PSPC1: variants seen among roughly 807,000 people sequenced by gnomAD.
PSPC1 encodes paraspeckle component 1, also known as paraspeckle protein 1.
In PSPC1, 14 loss-of-function variants were observed where a neutral mutation model predicts 51.6. The ratio of observed to expected loss-of-function variants is 0.27; its 90% CI spans 0.18 to 0.42. PSPC1 has a LOEUF of 0.42. Among genes scored for constraint, PSPC1 ranks in the 10% least tolerant of loss-of-function variants. The pLI is 1.00. For missense variants in PSPC1, 406 were observed against 701.1 expected (o/e 0.58, Z 4.75); for synonymous variants, 193 against 231.9 (o/e 0.83, Z 1.53).
At chr13:19,777,028 G>A (rs1022999180) in intron 1 of PSPC1, among the ~76,000 whole-genome samples, 5 of 149,530 alleles carry the variant, frequency 3.3e-5, no homozygotes, top group African/African-American at 1.2e-4. Flanking sequence ...GGAGGCTGAG[G>A]AGTGAGAATC....
At chr13:19,677,347 T>C (rs970412766) in intron 7 of PSPC1, among the ~76,000 whole-genome samples, 3 of 152,196 alleles carry the variant, frequency 2.0e-5, no homozygotes, top group East Asian at 1.9e-4. Flanking sequence ...ACCTTTTTTT[T>C]CTCTCTCCTC....
At chr13:19,781,161 A>T (rs1282405306) in intron 1 of PSPC1, among the ~76,000 whole-genome samples, 1 of 151,566 alleles carries the variant, frequency 6.6e-6, no homozygotes, top group Non-Finnish European at 1.5e-5. Context: ...AAAAAAAAAA[A>T]AAGGCGTAAA....
intron 6 of PSPC1, among the ~76,000 whole-genome samples, chr13:19,688,558 ATAAT>A (rs1416035790): frequency 6.6e-6 from 1 of 152,172 alleles, no homozygotes. Flanking sequence ...GCATTGTTTC[ATAAT>A]TAATGTGCTG....
intron 2 of PSPC1, among the ~76,000 whole-genome samples, chr13:19,769,482 G>C (rs1411086179): frequency 2.0e-5 from 3 of 152,212 alleles, no homozygotes; most frequent in African/African-American, 4.8e-5. Context: ...GAACCCAGGA[G>C]GCGGAGCTTG....
At chr13:19,772,791 G>A (rs1172987691) in intron 1 of PSPC1, among the ~76,000 whole-genome samples, 1 of 152,074 alleles carries the variant, frequency 6.6e-6, no homozygotes, top group Non-Finnish European at 1.5e-5. Flanking sequence ...CTCTTCATAA[G>A]GCCAGTTACC....
In PSPC1 at chr13:19,736,030, T is replaced by C. The variant is rs9508865; in HGVS notation, c.1052+5535A>G. On this transcript the variant is annotated intron_variant, in intron 5 of 8. Coordinates refer to ENST00000338910, the MANE Select transcript of PSPC1 (RefSeq NM_001354909.2). ...AAAGACAGGGTTTCACCGTGTTAGC[T>C]AGGATGGTCTCGATCTCCTGACCTT... Among the ~76,000 whole-genome samples the C allele has an allele frequency of 2.2e-3, 330 of 152,026 alleles. 2 individuals are homozygous for C. The highest frequency in any genetic ancestry group is 4.2e-3 in the South Asian group (20 of 4,812).
At chr13:19,687,588 T>A (rs983084339) in intron 6 of PSPC1, among the ~76,000 whole-genome samples, 3 of 152,112 alleles carry the variant, frequency 2.0e-5, no homozygotes, top group African/African-American at 7.2e-5. Flanking sequence ...CTGCCCTTTC[T>A]CCTCTTTTTA....
Position 19,782,548 on chromosome 13 carries a change from G to T in PSPC1, c.210C>A (p.Phe70Leu). 2 of 1,613,040 alleles carry T rather than the reference G, an allele frequency of 1.2e-6. No homozygotes were observed. Among genetic ancestry groups the T allele is most frequent in the Non-Finnish European group, 1.7e-6 (2 of 1,179,568 alleles). ...EMGFTIDIKS[F>L]LKPGEKTYTQ... ...TGTACGTCTTCTCGCCCGGCTTGAG[G>T]AAACTCTTGATGTCGATAGTGAACC... The change falls in exon 1 of 9, where the codon TTC becomes TTA. Residue 70 changes from phenylalanine (F) to leucine (L), a missense_variant. Around this residue, in one of 5 missense-constraint regions of PSPC1, gnomAD observed 128 missense variants for 107.1 expected, o/e 1.20. Coordinates refer to ENST00000338910, the MANE Select transcript of PSPC1 (RefSeq NM_001354909.2). This position sits in a 1 kb window ranked among gnomAD's most constrained non-coding sequence, Gnocchi z 4.5.
intron 5 of PSPC1, among the ~76,000 whole-genome samples, chr13:19,738,363 C>A (rs1221821043): frequency 6.6e-6 from 1 of 152,110 alleles, no homozygotes; most frequent in Non-Finnish European, 1.5e-5. Flanking sequence ...ATACCAGAAT[C>A]CACTGATGCT....
intron 6 of PSPC1, among the ~76,000 whole-genome samples, chr13:19,715,782 G>A (rs1037111423): frequency 6.6e-6 from 1 of 152,114 alleles, no homozygotes; most frequent in African/African-American, 2.4e-5. Flanking sequence ...GGGAGGCTGA[G>A]GCGGATGGAT....
intron 7 of PSPC1, among the ~76,000 whole-genome samples, chr13:19,676,512 A>G (rs1274451591): frequency 2.0e-5 from 3 of 152,088 alleles, no homozygotes; most frequent in Non-Finnish European, 4.4e-5. Flanking sequence ...ACTACAGAAT[A>G]CATCAGTGCA....
intron 2 of PSPC1, among the ~76,000 whole-genome samples, chr13:19,765,926 C>T (rs1197020280): frequency 6.6e-6 from 1 of 151,802 alleles, no homozygotes; most frequent in Non-Finnish European, 1.5e-5. Flanking sequence ...TTTTTTTTGT[C>T]TAAAAGTAAT....
chr13:19,681,169 C>A (rs879886308), intron 6 of PSPC1, among the ~76,000 whole-genome samples: 1 of 152,072 alleles, frequency 6.6e-6, no homozygotes, highest in South Asian at 2.1e-4. Flanking sequence ...GAGCTATGAT[C>A]AAGCCACTGC....
At chr13:19,698,689 G>A (rs561742911), downstream of PSPC1, among the ~76,000 whole-genome samples, 2 of 151,876 alleles carry the variant, frequency 1.3e-5, no homozygotes, top group Admixed American at 6.6e-5. Context: ...AAATGAGAAA[G>A]GCACATTTAA....
chr13:19,745,613 G>A (rs964342950), intron 4 of PSPC1, among the ~76,000 whole-genome samples: 7 of 150,626 alleles, frequency 4.6e-5, no homozygotes, highest in Admixed American at 1.3e-4. Context: ...TTATGACACT[G>A]AATTAATTTT....
chr13:19,681,763 T>C (rs1877292454), intron 6 of PSPC1, among the ~76,000 whole-genome samples: 1 of 152,060 alleles, frequency 6.6e-6, no homozygotes, highest in Non-Finnish European at 1.5e-5. Flanking sequence ...TACCGAGGAG[T>C]GTTTACAACT....
At chr13:19,686,117 C>T (rs1565957662) in intron 6 of PSPC1, among the ~76,000 whole-genome samples, 2 of 152,194 alleles carry the variant, frequency 1.3e-5, no homozygotes, top group Non-Finnish European at 2.9e-5. Context: ...AAGTAGCTAA[C>T]GTAATTCCTT....
intron 6 of PSPC1, among the ~76,000 whole-genome samples, chr13:19,683,094 G>A (rs962830007): frequency 6.6e-6 from 1 of 151,436 alleles, no homozygotes; most frequent in Non-Finnish European, 1.5e-5. Flanking sequence ...AAGAAAGAAA[G>A]AAAGAAACTG....
intron 2 of PSPC1, among the ~76,000 whole-genome samples, chr13:19,766,190 T>C (rs1363599582): frequency 6.6e-6 from 1 of 151,968 alleles, no homozygotes; most frequent in Non-Finnish European, 1.5e-5. Context: ...CTGGTCAACA[T>C]AGTGAAACCC....
Sources: allele counts gnomAD v4.1 joint callset (sites outside exome capture counted in the v4.1 genomes callset), GRCh38; gene constraint gnomAD v4.1.1; regional missense constraint gnomAD v4.1.1; non-coding constraint Gnocchi (gnomAD v3.1); transcripts MANE v1.5; gene names NCBI Gene and HGNC (gene_info 2026-07-23, HGNC 2026-07-21).